The following CNTN5 variants were observed in gnomAD, a reference collection of about 807,000 sequenced individuals.
CNTN5 encodes contactin-5.
Under a neutral mutation model 129.1 loss-of-function variants are expected in CNTN5, and 77 were observed. The observed-to-expected ratio is 0.60, with a 90% CI of 0.50 to 0.72. The LOEUF (loss-of-function observed/expected upper bound fraction) is 0.72, where lower values mean the gene tolerates loss of function less well. Ranked by LOEUF, CNTN5 falls within the 30% of genes least tolerant of loss-of-function variation. The probability of loss-of-function intolerance (pLI) is 0.00; values close to 1 mark genes in which losing one functional copy is unlikely to be tolerated. For synonymous variants in CNTN5, 509 were observed against 465.6 expected (o/e 1.09, Z -1.20); for missense variants, 1,478 against 1,328.8 (o/e 1.11, Z -1.75).
intron 9 of CNTN5, among the ~76,000 whole-genome samples, chr11:100,044,000 T>G (rs1165622433): frequency 6.6e-6 from 1 of 152,022 alleles, no homozygotes; most frequent in Non-Finnish European, 1.5e-5. Context: ...TAATGTACAT[T>G]GTGCCCGTTA....
chr11:99,387,263 T>A (rs1391013095), intron 2 of CNTN5, among the ~76,000 whole-genome samples: 1 of 152,054 alleles, frequency 6.6e-6, no homozygotes, highest in Non-Finnish European at 1.5e-5. Flanking sequence ...AATTTCATTT[T>A]CCCCCAGTTA....
chr11:99,399,421 C>T (rs1941686506), intron 2 of CNTN5, among the ~76,000 whole-genome samples: 2 of 151,360 alleles, frequency 1.3e-5, no homozygotes. Flanking sequence ...ATATTTAATT[C>T]ACATAAAAGG....
intron 1 of CNTN5, among the ~76,000 whole-genome samples, chr11:99,031,862 C>A (rs1863397138): frequency 1.3e-5 from 2 of 150,758 alleles, no homozygotes; most frequent in African/African-American, 4.9e-5. Flanking sequence ...GTGCGCTGCA[C>A]CCATTAACTC....
Position 100,002,066 on chromosome 11 carries a change from G to A in CNTN5, c.910G>A (p.Val304Ile). 3 of 1,598,400 alleles carry A rather than the reference G, an allele frequency of 1.9e-6. No homozygotes were observed. In the Middle Eastern group the frequency reaches 5.0e-4, roughly 265 times the overall value. Residue 304 changes from valine (V) to isoleucine (I), a missense_variant, in exon 9 of 25, where the codon GTC (valine) becomes ATC (isoleucine). Coordinates refer to ENST00000524871, the MANE Select transcript of CNTN5 (RefSeq NM_014361.4). Reference protein sequence around the residue: ...VMGEYEPKIEVHFPFTVTAAK... With the variant: ...VMGEYEPKIEIHFPFTVTAAK... ...GGGAGAATATGAGCCGAAAATTGAG[G>A]TCCATTTTCCTTTCACGGTTACAGC...
intron 2 of CNTN5, among the ~76,000 whole-genome samples, chr11:99,402,078 T>C (rs1286759854): frequency 2.0e-5 from 3 of 152,194 alleles, no homozygotes; most frequent in Non-Finnish European, 4.4e-5. Flanking sequence ...TTTGTCTGGT[T>C]GCTCTAACTA....
chr11:100,132,978 TTATG>T lies in CNTN5; in HGVS notation c.1581-58144_1581-58141del, dbSNP rs559129577. Among the ~76,000 whole-genome samples, 161 of 152,216 alleles carry T rather than the reference TTATG, an allele frequency of 1.1e-3. 1 individual carries two copies. Among genetic ancestry groups the T allele is most frequent in the Non-Finnish European group, 1.6e-3 (107 of 68,008 alleles). ...TTACTCTATAGGATTATTATAGACT[TTATG>T]TATTATAAATTATTCAGGCCTTTAT... On this transcript the variant is annotated intron_variant, in intron 13 of 24. Coordinates refer to ENST00000524871, the MANE Select transcript of CNTN5 (RefSeq NM_014361.4).
chr11:100,070,682 T>C (rs773562272), intron 11 of CNTN5, 122 bp downstream of exon 11: 1 of 788,418 alleles, frequency 1.3e-6, no homozygotes, highest in Non-Finnish European at 2.0e-6. Flanking sequence ...TAATAGGACA[T>C]GTTTGTGTTA....
intron 1 of CNTN5, among the ~76,000 whole-genome samples, chr11:99,126,744 G>A (rs1858654294): frequency 6.6e-6 from 1 of 152,146 alleles, no homozygotes; most frequent in South Asian, 2.1e-4. Context: ...ATTCCTGTCG[G>A]TTATTATCAC....
At chr11:99,429,805 T>G (rs532903244) in intron 2 of CNTN5, among the ~76,000 whole-genome samples, 1 of 152,112 alleles carries the variant, frequency 6.6e-6, no homozygotes, top group Non-Finnish European at 1.5e-5. Flanking sequence ...GTGTTTAAAC[T>G]GTACCCTTTC....
chr11:99,181,428 C>A (rs748677647), intron 1 of CNTN5, among the ~76,000 whole-genome samples: 1 of 152,168 alleles, frequency 6.6e-6, no homozygotes, highest in African/African-American at 2.4e-5. Context: ...TTATCCCACC[C>A]CCATTGGTAT....
chr11:99,888,456 G>A (rs111267884), intron 6 of CNTN5, among the ~76,000 whole-genome samples: 4 of 152,334 alleles, frequency 2.6e-5, no homozygotes, highest in African/African-American at 9.6e-5. Context: ...CAGAGACTCA[G>A]ATGTTAAACT....
intron 2 of CNTN5, among the ~76,000 whole-genome samples, chr11:99,537,395 G>A (rs1947941604): frequency 6.6e-6 from 1 of 152,034 alleles, no homozygotes; most frequent in African/African-American, 2.4e-5. Flanking sequence ...ACCCACACCT[G>A]TCTAGTTTCA....
intron 3 of CNTN5, among the ~76,000 whole-genome samples, chr11:99,578,489 TG>T (rs770260436): frequency 2.0e-5 from 3 of 150,270 alleles, no homozygotes; most frequent in African/African-American, 4.9e-5. Context: ...CTCCAGCACC[TG>T]TTGTTTCCTG....
chr11:99,709,885 C>T (rs912646706), intron 3 of CNTN5, among the ~76,000 whole-genome samples: 3 of 151,820 alleles, frequency 2.0e-5, no homozygotes, highest in Admixed American at 1.3e-4. Context: ...AAAAAAAGAT[C>T]TAATGAAAGT....
chr11:99,115,236 A>T (rs1857987311), intron 1 of CNTN5, among the ~76,000 whole-genome samples: 1 of 152,196 alleles, frequency 6.6e-6, no homozygotes, highest in Non-Finnish European at 1.5e-5. Context: ...TCCTGCAATT[A>T]GTCAACTACT....
At chr11:100,042,609 A>G (rs1942445481) in intron 9 of CNTN5, among the ~76,000 whole-genome samples, 1 of 152,204 alleles carries the variant, frequency 6.6e-6, no homozygotes, top group Admixed American at 6.5e-5. Context: ...TTACCTCATC[A>G]TATGTATAAA....
chr11:99,520,938 T>G lies in CNTN5; in HGVS notation c.-70-35207T>G, dbSNP rs142170161. 3.2e-3 allele frequency among the ~76,000 whole-genome samples: 483 copies of G among 152,280 alleles called. 2 individuals carry two copies. The highest frequency in any genetic ancestry group is 0.011 in the African/African-American group (452 of 41,570). On this transcript the variant is annotated intron_variant, in intron 2 of 24. Transcript: ENST00000524871. ...CATGGTAGAGGTAAATGGCTTATGA[T>G]ATGATCAGAATAATAGCTTTCAATT...
chr11:99,093,459 T>G (rs1247424514), intron 1 of CNTN5, among the ~76,000 whole-genome samples: 2 of 151,344 alleles, frequency 1.3e-5, no homozygotes, highest in African/African-American at 4.9e-5. Flanking sequence ...TTTTTTTTAT[T>G]TCTTATTTTG....
intron 2 of CNTN5, among the ~76,000 whole-genome samples, chr11:99,341,878 C>T (rs1292491573): frequency 6.6e-6 from 1 of 151,916 alleles, no homozygotes; most frequent in African/African-American, 2.4e-5. Context: ...TGACAAACCA[C>T]GGCTGAAGAA....
Sources: allele counts gnomAD v4.1 joint callset (sites outside exome capture counted in the v4.1 genomes callset), GRCh38; gene constraint gnomAD v4.1.1; transcripts MANE v1.5; gene names NCBI Gene and HGNC (gene_info 2026-07-23, HGNC 2026-07-21).